STAT4: variants seen among roughly 807,000 people sequenced by gnomAD.
STAT4 encodes the protein signal transducer and activator of transcription 4.
A neutral mutation model predicts 110.5 loss-of-function variants in STAT4; 42 were observed. That is an observed-to-expected ratio of 0.38 (90% confidence interval 0.30 to 0.49). The LOEUF is 0.49. STAT4 is among the 20% of genes least tolerant of loss of function. The probability of loss-of-function intolerance (pLI) is 0.95; values close to 1 mark genes in which losing one functional copy is unlikely to be tolerated. For synonymous variants in STAT4, 284 were observed against 302.2 expected, an observed-to-expected ratio of 0.94 and a Z score of 0.63; for missense variants, 632 against 887.9, an observed-to-expected ratio of 0.71 and a Z score of 3.66.
intron 3 of STAT4, among the ~76,000 whole-genome samples, chr2:191,103,380 G>C (rs1317541025): frequency 6.6e-6 from 1 of 152,122 alleles, no homozygotes; most frequent in Non-Finnish European, 1.5e-5. Context: ...TTAATGCTGT[G>C]TGTGTTTGCC....
At position 191,054,530 on chromosome 2, in the gene STAT4, G is replaced by A. The variant is rs200636478; in HGVS notation, c.1211C>T (p.Pro404Leu). 6.2e-7 allele frequency: 1 copy of A among 1,611,800 alleles called. No homozygotes were observed. The highest frequency in any genetic ancestry group is 1.3e-5 in the African/African-American group (1 of 74,932). Reference sequence around the variant, plus strand: ...TCCAGCACTGGACTTCATTTCCTTTGGTTGCTTTGTAAAAGAAAACAACAA... The same window carrying A: ...TCCAGCACTGGACTTCATTTCCTTTAGTTGCTTTGTAAAAGAAAACAACAA... The part of the protein sequence containing the change: ...SLSVEFRHLQ[P>L]KEMKSSAGGK... The change falls in exon 14 of 24, where the codon CCA becomes CTA. Residue 404 changes from proline to leucine, a missense_variant. By Grantham distance (98) the Pro-to-Leu change is moderately conservative (BLOSUM62 -3). Around this residue, in one of 4 missense-constraint regions of STAT4, gnomAD observed 488 missense variants for 632.8 expected, o/e 0.77. Transcript: ENST00000392320.
chr2:191,086,485 A>AT lies in STAT4; in HGVS notation c.274-10161dup, dbSNP rs1697639738. 1.3e-5 allele frequency among the ~76,000 whole-genome samples: 2 copies of AT among 152,220 alleles called. No individual in the cohort carries two copies. The highest frequency in any genetic ancestry group is 1.3e-4 in the Admixed American group (2 of 15,286). On this transcript the variant is annotated intron_variant, in intron 3 of 23. Coordinates refer to ENST00000392320, the MANE Select transcript of STAT4 (RefSeq NM_003151.4). The surrounding 1 kb of genome is among the most constrained non-coding windows in gnomAD (Gnocchi z 5.5). Reference sequence around the variant, plus strand: ...TATAGCAAATAATTACTTTCAATGCATTTTATACAAATAATCAGACCAAGT... The same window carrying AT: ...TATAGCAAATAATTACTTTCAATGCATTTTTATACAAATAATCAGACCAAGT...
chr2:191,122,052 T>C (rs1409988606), intron 3 of STAT4: 3 of 151,788 alleles, frequency 2.0e-5, no homozygotes, highest in Non-Finnish European at 2.9e-5. Context: ...GCATTCCATA[T>C]TTTTTTTGTT....
In STAT4 at chr2:191,117,321, G is replaced by A. The variant is rs558937788; in HGVS notation, c.273+29292C>T. On this transcript the variant is annotated intron_variant, in intron 3 of 23. Transcript: ENST00000392320. This position sits in a 1 kb window ranked among gnomAD's most constrained non-coding sequence, Gnocchi z 5.2. ...TACAAGTTTCTAATAGCTTAAGGCTGTTCTGACTTCAAATTTCAAAGACTT... is the reference window on the plus strand; with the variant it reads ...TACAAGTTTCTAATAGCTTAAGGCTATTCTGACTTCAAATTTCAAAGACTT... Among the ~76,000 whole-genome samples, 1 of 152,328 alleles carries A rather than the reference G, an allele frequency of 6.6e-6. No homozygotes were observed. The highest frequency in any genetic ancestry group is 6.5e-5 in the Admixed American group (1 of 15,302).
intron 3 of STAT4, among the ~76,000 whole-genome samples, chr2:191,078,267 T>C (rs908215013): frequency 3.3e-5 from 5 of 152,196 alleles, no homozygotes; most frequent in Admixed American, 6.5e-5. Flanking sequence ...GGAATATTTC[T>C]ATGCCGATCA....
rs1324749553 is a variant in STAT4, at chr2:191,046,205, A to G, written c.1252-5057T>C. ...TGCACAGATAGAGACCCAATACTGT[A>G]TATAAAACATTTAACCATTATCAAT... On this transcript the variant is annotated intron_variant, in intron 14 of 23. Transcript: ENST00000392320. This position sits in a 1 kb window ranked among gnomAD's most constrained non-coding sequence, Gnocchi z 4.6. Among the ~76,000 whole-genome samples the G allele has an allele frequency of 6.6e-6, 1 of 152,246 alleles. No individual in the cohort carries two copies. Among genetic ancestry groups the G allele is most frequent in the Non-Finnish European group, 1.5e-5 (1 of 68,048 alleles).
rs1206716158 is a variant in STAT4 at position 191,142,908 on chromosome 2, C to T, written c.273+3705G>A. ...TGATATTGTAATGGTAGATATATGA[C>T]ATTATGCATTGTCAAAACCCATAAA... On this transcript the variant is annotated intron_variant, in intron 3 of 23. Transcript: ENST00000392320. This position sits in a 1 kb window ranked among gnomAD's most constrained non-coding sequence, Gnocchi z 4.1. Among the ~76,000 whole-genome samples the T allele has an allele frequency of 6.6e-6, 1 of 152,062 alleles. No homozygotes were observed. The highest frequency in any genetic ancestry group is 1.5e-5 in the Non-Finnish European group (1 of 68,018).
At position 191,032,271 on chromosome 2, in the gene STAT4, T is replaced by A. The variant is rs941177553; in HGVS notation, c.2044+687A>T. 2.6e-5 allele frequency: 4 copies of A among 152,286 alleles called. No homozygotes were observed. The highest frequency in any genetic ancestry group is 4.4e-5 in the Non-Finnish European group (3 of 68,066). The allele number at this position is 152,286 out of a possible 1,614,324, so 9.4% of individuals were successfully genotyped here. On this transcript the variant is annotated intron_variant, in intron 21 of 23. Transcript: ENST00000392320. This position sits in a 1 kb window ranked among gnomAD's most constrained non-coding sequence, Gnocchi z 4.9. ...TTAGTGCTATAGATGAAGATTTTTA[T>A]GGATTGTATACACTTTCATTAAAGA...
chr2:191,073,911 T>C (rs77384735), intron 4 of STAT4, among the ~76,000 whole-genome samples: 3,053 of 152,322 alleles, frequency 0.02, 81 homozygotes, highest in African/African-American at 0.07. Context: ...GATAATTTGA[T>C]GATTTTAAAA....
chr2:191,088,825 C>A (rs1028418522), intron 3 of STAT4, among the ~76,000 whole-genome samples: 1 of 152,140 alleles, frequency 6.6e-6, no homozygotes, highest in Non-Finnish European at 1.5e-5. Flanking sequence ...CACAACAGAA[C>A]AAAGGTGGTC....
At chr2:191,049,398 A>T (rs576843244) in intron 14 of STAT4, among the ~76,000 whole-genome samples, 1 of 151,468 alleles carries the variant, frequency 6.6e-6, no homozygotes, top group Admixed American at 6.6e-5. Flanking sequence ...GGATGGTCTC[A>T]CTCTCCTGAC....
intron 16 of STAT4, among the ~76,000 whole-genome samples, chr2:191,036,958 A>C (rs996129220): frequency 1.3e-5 from 2 of 152,172 alleles, no homozygotes; most frequent in Non-Finnish European, 2.9e-5. Context: ...TTTTCCTAAA[A>C]GTCTCCTTGT....
intron 14 of STAT4, among the ~76,000 whole-genome samples, chr2:191,052,236 C>A (rs753693877): frequency 1.2e-4 from 19 of 152,282 alleles, no homozygotes; most frequent in African/African-American, 3.9e-4. Flanking sequence ...GGTTTATCTT[C>A]CTTCATGTAC....
chr2:191,107,942 T>A lies in STAT4; in HGVS notation c.274-31617A>T, dbSNP rs1409399455. On this transcript the variant is annotated intron_variant, in intron 3 of 23. Transcript: ENST00000392320. The surrounding 1 kb of genome is among the most constrained non-coding windows in gnomAD (Gnocchi z 4.2). ...TTACAAAATGGAGTAATTTTCATGATCTCTGAAAACTATTACTATAATCCT... is the reference window on the plus strand; with the variant it reads ...TTACAAAATGGAGTAATTTTCATGAACTCTGAAAACTATTACTATAATCCT... Among the ~76,000 whole-genome samples the A allele has an allele frequency of 6.6e-6, 1 of 152,154 alleles. No homozygotes were observed. Among genetic ancestry groups the A allele is most frequent in the Non-Finnish European group, 1.5e-5 (1 of 68,044 alleles).
Position 191,143,580 on chromosome 2 carries a change from G to T in STAT4, c.273+3033C>A, listed in dbSNP as rs1699388546. ...CATTCCAAACTGTTATTGGAAGTAG[G>T]TGTAATATAAATAATAAAATACTGA... On this transcript the variant is annotated intron_variant, in intron 3 of 23. Transcript: ENST00000392320. This position sits in a 1 kb window ranked among gnomAD's most constrained non-coding sequence, Gnocchi z 5.6. Among the ~76,000 whole-genome samples the T allele has an allele frequency of 6.6e-6, 1 of 152,130 alleles. No individual in the cohort carries two copies. Among genetic ancestry groups the T allele is most frequent in the South Asian group, 2.1e-4 (1 of 4,824 alleles).
At chr2:191,137,987 CA>C (rs1699225131) in intron 3 of STAT4, among the ~76,000 whole-genome samples, 1 of 151,920 alleles carries the variant, frequency 6.6e-6, no homozygotes, top group Non-Finnish European at 1.5e-5. Context: ...GCACAGAAAA[CA>C]AAAACAAAAA....
chr2:191,114,500 T>G (rs1437253842), intron 3 of STAT4, among the ~76,000 whole-genome samples: 1 of 152,218 alleles, frequency 6.6e-6, no homozygotes, highest in Non-Finnish European at 1.5e-5. Flanking sequence ...TACTGTTCTA[T>G]TCTCACCTCC....
chr2:191,035,879 G>A lies in STAT4; in HGVS notation c.1570+285C>T, dbSNP rs1459683859. Among the ~76,000 whole-genome samples, 1 of 152,212 alleles carries A rather than the reference G, an allele frequency of 6.6e-6. No homozygotes were observed. Reference sequence around the variant, plus strand: ...CTTTAGACCTGGACAGGTCTGGCCTGTGGCTTGGTGCTGCTGTGTACTAGC... The same window carrying A: ...CTTTAGACCTGGACAGGTCTGGCCTATGGCTTGGTGCTGCTGTGTACTAGC... On this transcript the variant is annotated intron_variant, in intron 17 of 23. Coordinates refer to ENST00000392320, the MANE Select transcript of STAT4 (RefSeq NM_003151.4). The surrounding 1 kb of genome is among the most constrained non-coding windows in gnomAD (Gnocchi z 4.7).
intron 3 of STAT4, among the ~76,000 whole-genome samples, chr2:191,102,957 A>G (rs946678873): frequency 7.2e-5 from 11 of 152,168 alleles, no homozygotes; most frequent in African/African-American, 2.4e-4. Context: ...GTTCCATGGT[A>G]TCAACTATGC....
Sources: allele counts gnomAD v4.1 joint callset (sites outside exome capture counted in the v4.1 genomes callset), GRCh38; gene constraint gnomAD v4.1.1; regional missense constraint gnomAD v4.1.1; non-coding constraint Gnocchi (gnomAD v3.1); transcripts MANE v1.5; gene names NCBI Gene and HGNC (gene_info 2026-07-23, HGNC 2026-07-21).